Variants in GCA observed in about 807,000 individuals in gnomAD.
GCA encodes grancalcin.
In GCA, 30 loss-of-function variants were observed where a neutral mutation model predicts 32.6. The ratio of observed to expected loss-of-function variants is 0.92; its 90% CI spans 0.69 to 1.25. GCA has a LOEUF of 1.25. Ranked by LOEUF, GCA falls within the 50% of genes most tolerant of loss-of-function variation. GCA has a pLI of 0.00. For synonymous variants in GCA, 102 were observed against 84.6 expected (o/e 1.21, Z -1.13); for missense variants, 291 against 266.8 (o/e 1.09, Z -0.63).
chr2:162,339,288 C>G (rs1195119386), upstream of GCA, among the ~76,000 whole-genome samples: 19 of 151,904 alleles, frequency 1.3e-4, no homozygotes, highest in Admixed American at 1.2e-3. Context: ...ACATATATAT[C>G]TTCATTATTC....
intron 1 of GCA, among the ~76,000 whole-genome samples, chr2:162,337,299 C>G (rs1484420375): frequency 1.3e-5 from 2 of 152,178 alleles, no homozygotes; most frequent in African/African-American, 4.8e-5. Context: ...AGTCATGTGT[C>G]AGGGGACCCT....
chr2:162,326,504 C>T (rs780267379), intron 1 of GCA, among the ~76,000 whole-genome samples: 1 of 151,962 alleles, frequency 6.6e-6, no homozygotes, highest in Admixed American at 6.6e-5. Flanking sequence ...TCCCTCATTT[C>T]CCTTCTTTCT....
In GCA at chr2:162,347,645, C is replaced by G. The variant is rs1244793237; in HGVS notation, c.95C>G (p.Ala32Gly). Residue 32 changes from alanine to glycine, a missense_variant, in exon 2 of 8, where the codon GCT becomes GGT. By Grantham distance (60) the Ala-to-Gly change is moderately conservative. Coordinates refer to ENST00000437150, the MANE Select transcript of GCA (RefSeq NM_012198.5). Reference protein sequence around the residue: ...MGQPVPETGPAILLDGYSGPA... With the variant: ...MGQPVPETGPGILLDGYSGPA... ...CAGCCAGTGCCAGAAACAGGCCCAG[C>G]TATACTCCTCGATGGATACTCTGGG... is the stretch of plus-strand genomic sequence containing the variant. 1.2e-6 allele frequency: 2 copies of G among 1,610,550 alleles called. No individual in the cohort carries two copies. Among genetic ancestry groups the G allele is most frequent in the East Asian group, 2.2e-5 (1 of 44,848 alleles).
At chr2:162,332,672 A>C (rs747835100) in intron 1 of GCA, among the ~76,000 whole-genome samples, 67 of 152,166 alleles carry the variant, frequency 4.4e-4, no homozygotes, top group Non-Finnish European at 7.8e-4. Flanking sequence ...CATTGAAAAA[A>C]CTGTCTTGCT....
At chr2:162,345,802 T>G (rs867311370) in intron 1 of GCA, among the ~76,000 whole-genome samples, 2 of 152,232 alleles carry the variant, frequency 1.3e-5, no homozygotes, top group African/African-American at 4.8e-5. Flanking sequence ...GGATAAAACT[T>G]ACATGATTTC....
At chr2:162,363,386 T>C (rs1467112451), downstream of GCA, among the ~76,000 whole-genome samples, 1 of 151,378 alleles carries the variant, frequency 6.6e-6, no homozygotes, top group Non-Finnish European at 1.5e-5. Context: ...CATAGTGAAT[T>C]AAGCACATCT....
downstream of GCA, among the ~76,000 whole-genome samples, chr2:162,366,388 A>G (rs749869211): frequency 1.7e-4 from 26 of 151,890 alleles, no homozygotes; most frequent in Non-Finnish European, 2.8e-4. Flanking sequence ...ATTCGTAGTA[A>G]TAACATGTTT....
At chr2:162,330,796 G>A (rs1684051219) in intron 1 of GCA, among the ~76,000 whole-genome samples, 2 of 152,142 alleles carry the variant, frequency 1.3e-5, no homozygotes, top group Admixed American at 6.5e-5. Flanking sequence ...CATTTTTGGT[G>A]GCAGTTATAT....
chr2:162,367,570 T>C (rs1685794040), downstream of GCA, among the ~76,000 whole-genome samples: 1 of 152,106 alleles, frequency 6.6e-6, no homozygotes, highest in African/African-American at 2.4e-5. Flanking sequence ...CTCACTATTA[T>C]TGTAAATAGT....
upstream of GCA, among the ~76,000 whole-genome samples, chr2:162,341,433 T>C (rs1355971476): frequency 3.3e-5 from 5 of 151,634 alleles, no homozygotes; most frequent in Non-Finnish European, 7.4e-5. Flanking sequence ...AGAACTGCAG[T>C]TAATTTATTG....
downstream of GCA, among the ~76,000 whole-genome samples, chr2:162,363,612 G>A (rs1284976074): frequency 1.3e-5 from 2 of 151,330 alleles, no homozygotes; most frequent in Non-Finnish European, 3.0e-5. Flanking sequence ...TTAGAATTCT[G>A]AGCAGAAAAC....
chr2:162,323,448 A>T (rs1267325905), intron 1 of GCA, among the ~76,000 whole-genome samples: 1 of 151,734 alleles, frequency 6.6e-6, no homozygotes. Context: ...TTTTGTTGCC[A>T]TTGCTTTTGG....
intron 2 of GCA, among the ~76,000 whole-genome samples, 189 bp from the exon 3 acceptor site, chr2:162,352,149 T>A (rs1685032757): frequency 1.3e-5 from 2 of 152,204 alleles, no homozygotes; most frequent in South Asian, 4.1e-4. Context: ...TGGAAGAAAT[T>A]ATTTCTGTGG....
upstream of GCA, among the ~76,000 whole-genome samples, chr2:162,341,315 A>T (rs1224179015): frequency 7.4e-6 from 1 of 135,896 alleles, no homozygotes; most frequent in African/African-American, 2.8e-5. Flanking sequence ...TATATGAGGC[A>T]AGTAGGCTCT....
Position 162,361,957 on chromosome 2 carries a change from C to G in GCA, c.*1714C>G. Reference sequence around the variant, plus strand: ...CGGTCGATTATGATTATCTCTCTTACTTGGAGGCTCACAGTTGAGGTAAAA... The same window carrying G: ...CGGTCGATTATGATTATCTCTCTTAGTTGGAGGCTCACAGTTGAGGTAAAA... On this transcript the variant is annotated 3_prime_UTR_variant, in exon 8 of 8. Transcript: ENST00000437150. 1 of 982,870 alleles carries G rather than the reference C, an allele frequency of 1.0e-6. No individual in the cohort carries two copies. The highest frequency in any genetic ancestry group is 1.2e-6 in the Non-Finnish European group (1 of 827,902). The allele number at this position is 982,870 out of a possible 1,614,324, so 60.9% of individuals were successfully genotyped here.
rs182292285 is a variant in GCA at position 162,356,309 on chromosome 2, T to C, written c.263-129T>C. 13 of 657,800 alleles carry C rather than the reference T, an allele frequency of 2.0e-5. No individual in the cohort carries two copies. The Admixed American group carries it at 3.0e-4, about 15-fold the overall frequency. 40.7% of individuals were successfully genotyped at this position (657,800 alleles called of 1,614,324 possible). ...TGGGTGCTTAACATTCAATAATAGC[T>C]TGTTGATTGTGGTGATTTTATATAT... is the stretch of plus-strand genomic sequence containing the variant. On this transcript the variant is annotated intron_variant, in intron 3 of 7. Coordinates refer to ENST00000437150, the MANE Select transcript of GCA (RefSeq NM_012198.5).
At chr2:162,350,380 C>T (rs1220671301) in intron 2 of GCA, among the ~76,000 whole-genome samples, 2 of 152,128 alleles carry the variant, frequency 1.3e-5, no homozygotes, top group Admixed American at 6.5e-5. Flanking sequence ...TCTAAGTTGC[C>T]ATACAGCCCT....
Position 162,360,818 on chromosome 2 carries a change from G to T in GCA, c.*575G>T. On this transcript the variant is annotated 3_prime_UTR_variant, in exon 8 of 8. Transcript: ENST00000437150. ...CCTAGTTCAATCTGTAGTGAAATAA[G>T]ACTACAGAAGGCATTGTTTTTTCCT... The T allele has an allele frequency of 8.2e-7, 1 of 1,221,938 alleles. No homozygotes were observed. The highest frequency in any genetic ancestry group is 2.8e-5 in the South Asian group (1 of 35,708). 75.7% of individuals were successfully genotyped at this position (1,221,938 alleles called of 1,614,324 possible).
downstream of GCA, chr2:162,371,869 A>G: frequency 1.2e-6 from 2 of 1,613,028 alleles, no homozygotes; most frequent in Non-Finnish European, 1.7e-6. Context: ...ATGCCTATGA[A>G]GACCCACGAT....
Sources: gnomAD v4.1 joint callset for allele counts (sites outside exome capture counted in the v4.1 genomes callset) on GRCh38, gnomAD v4.1.1 for gene constraint, MANE v1.5 for transcripts, NCBI Gene and HGNC (gene_info 2026-07-23, HGNC 2026-07-21) for gene names.